CADM2: variants seen among roughly 807,000 people sequenced by gnomAD.
CADM2 encodes immunoglobulin superfamily member 4D.
In CADM2, 12 loss-of-function variants were observed where a neutral mutation model predicts 49.8. The ratio of observed to expected loss-of-function variants is 0.24; its 90% CI spans 0.15 to 0.39. The LOEUF is 0.39. Ranked by LOEUF, CADM2 falls within the 10% of genes least tolerant of loss-of-function variation. CADM2 has a pLI of 1.00. For missense variants in CADM2, 378 were observed against 492.3 expected, an observed-to-expected ratio of 0.77 and a Z score of 2.20; for synonymous variants, 214 against 175.4, an observed-to-expected ratio of 1.22 and a Z score of -1.74.
intron 1 of CADM2, among the ~76,000 whole-genome samples, chr3:85,271,420 G>A (rs1047801284): frequency 1.3e-5 from 2 of 151,194 alleles, no homozygotes; most frequent in African/African-American, 2.4e-5. Context: ...GAATTAGGAA[G>A]CATCATCATA....
At chr3:85,242,105 G>A (rs926761633) in intron 1 of CADM2, among the ~76,000 whole-genome samples, 17 of 150,516 alleles carry the variant, frequency 1.1e-4, no homozygotes, top group African/African-American at 4.1e-4. Flanking sequence ...AATCAGAAGA[G>A]CCTATATATA....
In CADM2 at chr3:85,333,472, C is replaced by T. The variant is rs138477188; in HGVS notation, c.61+373804C>T. Among the ~76,000 whole-genome samples, 949 of 151,768 alleles carry T rather than the reference C, an allele frequency of 6.3e-3. 6 individuals carry two copies. The highest frequency in any genetic ancestry group is 0.01 in the Non-Finnish European group (695 of 67,678). On this transcript the variant is annotated intron_variant, in intron 1 of 9. Coordinates refer to ENST00000383699, the MANE Select transcript of CADM2 (RefSeq NM_001167675.2). ...TTTAGTGATAAAATTCACTTCTGTGCATGCAAATTGGGTAATTGTGTATCT... is the reference window on the plus strand; with the variant it reads ...TTTAGTGATAAAATTCACTTCTGTGTATGCAAATTGGGTAATTGTGTATCT...
At chr3:85,750,612 C>A (rs1378610185) in intron 2 of CADM2, among the ~76,000 whole-genome samples, 2 of 151,818 alleles carry the variant, frequency 1.3e-5, no homozygotes, top group Non-Finnish European at 2.9e-5. Flanking sequence ...TTATTATTTC[C>A]CTTTCTCATG....
At chr3:85,944,459 C>T (rs1200967245) in intron 7 of CADM2, among the ~76,000 whole-genome samples, 1 of 152,072 alleles carries the variant, frequency 6.6e-6, no homozygotes, top group Non-Finnish European at 1.5e-5. Flanking sequence ...TCCAAATCAA[C>T]AGAATATATA....
chr3:85,889,153 T>C (rs1228654425), intron 5 of CADM2, among the ~76,000 whole-genome samples: 3 of 152,194 alleles, frequency 2.0e-5, no homozygotes, highest in African/African-American at 7.2e-5. Flanking sequence ...AAACATGTTA[T>C]GGAGAATATT....
At chr3:85,518,187 C>T (rs549335861) in intron 1 of CADM2, among the ~76,000 whole-genome samples, 24 of 152,128 alleles carry the variant, frequency 1.6e-4, no homozygotes, top group African/African-American at 4.3e-4. Context: ...GATGGGTTTT[C>T]GCCATGTTAG....
chr3:85,331,819 T>G (rs1260570478), intron 1 of CADM2, among the ~76,000 whole-genome samples: 2 of 152,064 alleles, frequency 1.3e-5, no homozygotes, highest in Non-Finnish European at 2.9e-5. Flanking sequence ...CCATTTTAAC[T>G]GGAGTGAGTG....
At chr3:85,050,388 G>A (rs186064584) in intron 1 of CADM2, among the ~76,000 whole-genome samples, 9 of 152,094 alleles carry the variant, frequency 5.9e-5, no homozygotes, top group African/African-American at 1.9e-4. Flanking sequence ...TGAAAACTCC[G>A]GAAATATGTC....
intron 1 of CADM2, among the ~76,000 whole-genome samples, chr3:85,264,865 C>A (rs1227579892): frequency 6.6e-6 from 1 of 151,776 alleles, no homozygotes; most frequent in Non-Finnish European, 1.5e-5. Context: ...AGAAGTTGGC[C>A]AAATTCCTGA....
intron 1 of CADM2, among the ~76,000 whole-genome samples, chr3:85,032,577 G>A (rs2035033470): frequency 6.6e-6 from 1 of 152,078 alleles, no homozygotes; most frequent in Admixed American, 6.5e-5. Context: ...CTCTTCAGTA[G>A]TATATCTATC....
intron 1 of CADM2, among the ~76,000 whole-genome samples, chr3:85,001,153 T>C (rs941755440): frequency 3.3e-5 from 5 of 152,124 alleles, no homozygotes; most frequent in Non-Finnish European, 7.4e-5. Flanking sequence ...GAGATTTCTA[T>C]GTCTTGTAAC....
chr3:85,804,762 A>G (rs2072295277), intron 3 of CADM2, among the ~76,000 whole-genome samples: 1 of 152,192 alleles, frequency 6.6e-6, no homozygotes, highest in East Asian at 1.9e-4. Context: ...AACAGAGAGC[A>G]ACTTGCCATA....
intron 3 of CADM2, among the ~76,000 whole-genome samples, chr3:85,870,163 T>C (rs2075869489): frequency 6.6e-6 from 1 of 152,182 alleles, no homozygotes; most frequent in Non-Finnish European, 1.5e-5. Context: ...TAAAATTCCT[T>C]ATATATCTTG....
chr3:85,790,951 C>T (rs2071286495), intron 2 of CADM2, among the ~76,000 whole-genome samples: 1 of 152,116 alleles, frequency 6.6e-6, no homozygotes, highest in Non-Finnish European at 1.5e-5. Context: ...AGGTGTTGTA[C>T]TCTAAAAGGC....
chr3:85,893,962 G>A (rs965717224), intron 5 of CADM2, among the ~76,000 whole-genome samples: 9 of 152,152 alleles, frequency 5.9e-5, no homozygotes, highest in Non-Finnish European at 1.0e-4. Context: ...ATCTAGAACT[G>A]GAAATACCAT....
intron 4 of CADM2, among the ~76,000 whole-genome samples, chr3:85,885,135 T>C (rs974175713): frequency 2.6e-5 from 4 of 151,946 alleles, no homozygotes; most frequent in East Asian, 1.9e-4. Context: ...GTTTTGTGAG[T>C]TTTTTTTCTT....
chr3:85,930,556 T>C (rs2108525649), intron 6 of CADM2, among the ~76,000 whole-genome samples: 1 of 152,268 alleles, frequency 6.6e-6, no homozygotes, highest in South Asian at 2.1e-4. Context: ...TCATTCTTTC[T>C]AATTTTTTTC....
At chr3:85,597,837 T>G in intron 1 of CADM2, among the ~76,000 whole-genome samples, 1 of 152,088 alleles carries the variant, frequency 6.6e-6, no homozygotes, top group East Asian at 1.9e-4. Context: ...CTGCTAAAAC[T>G]TAAATAATAG....
At chr3:84,990,256 A>T (rs1457453921) in intron 1 of CADM2, among the ~76,000 whole-genome samples, 1 of 151,568 alleles carries the variant, frequency 6.6e-6, no homozygotes, top group Non-Finnish European at 1.5e-5. Flanking sequence ...AGAGTTTCTT[A>T]GTATTTTAAG....
Sources: allele counts gnomAD v4.1 joint callset (sites outside exome capture counted in the v4.1 genomes callset), GRCh38; gene constraint gnomAD v4.1.1; transcripts MANE v1.5; gene names NCBI Gene and HGNC (gene_info 2026-07-23, HGNC 2026-07-21).